DOCK2: variants seen among roughly 807,000 people sequenced by gnomAD.
DOCK2 encodes the protein dedicator of cytokinesis 2, also known as dedicator of cytokinesis protein 2.
In DOCK2, 87 loss-of-function variants were observed where a neutral mutation model predicts 248.9. That is an observed-to-expected ratio of 0.35 (90% CI 0.29 to 0.42). The LOEUF (loss-of-function observed/expected upper bound fraction) is 0.42, where lower values mean the gene tolerates loss of function less well. DOCK2 is among the 10% of genes least tolerant of loss of function. DOCK2 has a pLI of 1.00. For synonymous variants in DOCK2, 805 were observed against 821.6 expected, an observed-to-expected ratio of 0.98 and a Z score of 0.35; for missense variants, 1,747 against 2,300.2, an observed-to-expected ratio of 0.76 and a Z score of 4.92.
At chr5:170,029,401 T>C (rs79581722) in intron 34 of DOCK2, among the ~76,000 whole-genome samples, 1,816 of 152,334 alleles carry the variant, frequency 0.012, 94 homozygotes, top group East Asian at 0.1. Context: ...TGTATATCTT[T>C]GGAGAAAGAC....
chr5:169,738,196 C>T (rs1482490075), intron 22 of DOCK2, among the ~76,000 whole-genome samples: 5 of 152,138 alleles, frequency 3.3e-5, no homozygotes, highest in African/African-American at 4.8e-5. Flanking sequence ...GGGAAAGTAG[C>T]GTGTGTTTTT....
rs144210978 is a variant in DOCK2, at chr5:169,771,418, G to A, written c.2554+9793G>A. Among the ~76,000 whole-genome samples, 1,782 of 152,188 alleles carry A rather than the reference G, an allele frequency of 0.012. 55 individuals carry two copies. In the South Asian group the frequency reaches 0.12, roughly 11 times the overall value. ...CCTGCCTCAGTTTCCTGAGTAGCTG[G>A]GATTACAGGTGTGTGCCACCACGCC... On this transcript the variant is annotated intron_variant, in intron 25 of 51. Transcript: ENST00000520908.
At chr5:170,048,580 T>C (rs1362457909) in intron 40 of DOCK2, among the ~76,000 whole-genome samples, 1 of 152,234 alleles carries the variant, frequency 6.6e-6, no homozygotes, top group Non-Finnish European at 1.5e-5. Flanking sequence ...TAGATTCTCA[T>C]GTCTGCTTCT....
intron 27 of DOCK2, among the ~76,000 whole-genome samples, chr5:169,900,649 C>T (rs866851233): frequency 1.3e-5 from 2 of 152,114 alleles, no homozygotes; most frequent in Non-Finnish European, 1.5e-5. Flanking sequence ...TTAGAAGCTT[C>T]GATTAGCAGT....
chr5:169,962,309 G>A (rs1413944919), intron 27 of DOCK2, among the ~76,000 whole-genome samples: 1 of 152,152 alleles, frequency 6.6e-6, no homozygotes, highest in Non-Finnish European at 1.5e-5. Context: ...TATGTTATAG[G>A]TGCAGTCAGA....
At chr5:169,653,273 C>T (rs1490684057) in intron 1 of DOCK2, among the ~76,000 whole-genome samples, 1 of 152,168 alleles carries the variant, frequency 6.6e-6, no homozygotes, top group Non-Finnish European at 1.5e-5. Flanking sequence ...TTTAGTTCCT[C>T]TTTAGGAATA....
intron 27 of DOCK2, among the ~76,000 whole-genome samples, chr5:169,937,587 T>C (rs1235082934): frequency 2.6e-5 from 4 of 152,246 alleles, no homozygotes; most frequent in Non-Finnish European, 5.9e-5. Context: ...TGTGCTCAGT[T>C]CTTTATCTAT....
At chr5:169,703,598 T>G (rs1761097422) in intron 14 of DOCK2, among the ~76,000 whole-genome samples, 1 of 152,162 alleles carries the variant, frequency 6.6e-6, no homozygotes, top group South Asian at 2.1e-4. Flanking sequence ...TTTGGGAAGA[T>G]TCATAATCGT....
intron 25 of DOCK2, among the ~76,000 whole-genome samples, chr5:169,767,048 G>C (rs931470023): frequency 6.6e-6 from 1 of 152,202 alleles, no homozygotes; most frequent in African/African-American, 2.4e-5. Context: ...GGGCCACTGC[G>C]CTTGGCCAAT....
chr5:169,735,445 T>C (rs575319025), intron 22 of DOCK2, among the ~76,000 whole-genome samples: 4 of 152,250 alleles, frequency 2.6e-5, no homozygotes, highest in Non-Finnish European at 5.9e-5. Context: ...TTATCTTTCC[T>C]GTGTCCTCTC....
intron 26 of DOCK2, among the ~76,000 whole-genome samples, chr5:169,831,722 A>G (rs1194817362): frequency 6.6e-6 from 1 of 152,236 alleles, no homozygotes; most frequent in East Asian, 1.9e-4. Flanking sequence ...AGTACATGCC[A>G]CATATTAAAA....
chr5:170,019,164 C>T, intron 33 of DOCK2, 56 bp downstream of exon 33: 1 of 1,610,666 alleles, frequency 6.2e-7, no homozygotes, highest in Non-Finnish European at 8.5e-7. Context: ...GCCCATTTCC[C>T]CATAATGATA....
chr5:170,082,046 G>T (rs1758053370), intron 51 of DOCK2, 62 bp downstream of exon 51: 1 of 1,585,226 alleles, frequency 6.3e-7, no homozygotes, highest in African/African-American at 1.3e-5. Flanking sequence ...AGAGAGCAAT[G>T]CAGAGAGAAG....
intron 26 of DOCK2, among the ~76,000 whole-genome samples, chr5:169,823,789 A>G (rs1167682558): frequency 1.3e-5 from 2 of 152,204 alleles, no homozygotes; most frequent in African/African-American, 4.8e-5. Flanking sequence ...GACAGGAGAA[A>G]GAAATAAAGG....
At chr5:169,716,072 A>G (rs901675465) in intron 19 of DOCK2, 141 bp from the exon 20 acceptor site, 2 of 720,940 alleles carry the variant, frequency 2.8e-6, no homozygotes, top group African/African-American at 3.6e-5. Flanking sequence ...TCTCGTGAGT[A>G]AAACTACTCT....
At chr5:169,697,980 T>G (rs1760732184) in intron 10 of DOCK2, among the ~76,000 whole-genome samples, 1 of 152,238 alleles carries the variant, frequency 6.6e-6, no homozygotes, top group Non-Finnish European at 1.5e-5. Context: ...CATGAGATTC[T>G]CAGATCCTAC....
rs375805039 is a variant in DOCK2 at position 170,036,505 on chromosome 5, C to T, written c.3625-10C>T. ...ACAACACTCATCATTGTTTTTCCTC[C>T]CCTACCTAGAATTTCTACAAAGATA... On this transcript the variant is annotated splice_polypyrimidine_tract_variant and intron_variant, in intron 35 of 51. Transcript: ENST00000520908. 2 of 1,612,470 alleles carry T rather than the reference C, an allele frequency of 1.2e-6. No individual in the cohort carries two copies. The highest frequency in any genetic ancestry group is 1.7e-6 in the Non-Finnish European group (2 of 1,179,304).
intron 2 of DOCK2, among the ~76,000 whole-genome samples, chr5:169,658,281 CCCT>C (rs1758233349): frequency 6.6e-6 from 1 of 151,704 alleles, no homozygotes; most frequent in Non-Finnish European, 1.5e-5. Context: ...GAGATCGAGA[CCCT>C]CCTGGCTAAC....
rs554948651 is a variant in DOCK2, at chr5:169,953,387, T to C, written c.2800-29681T>C. 4.0e-5 allele frequency among the ~76,000 whole-genome samples: 6 copies of C among 148,866 alleles called. No individual in the cohort carries two copies. The East Asian group carries it at 1.2e-3, about 29-fold the overall frequency. ...TTTGGGCTTTAGAATAAGACTGGAG[T>C]GTGAGTCAGTCCTAGCTTCCTCTAT... On this transcript the variant is annotated intron_variant, in intron 27 of 51. Transcript: ENST00000520908.
Sources: gnomAD v4.1 joint callset for allele counts (sites outside exome capture counted in the v4.1 genomes callset) on GRCh38, gnomAD v4.1.1 for gene constraint, MANE v1.5 for transcripts, NCBI Gene and HGNC (gene_info 2026-07-23, HGNC 2026-07-21) for gene names.